The following SEC11A variants were observed in gnomAD, a reference collection of about 807,000 sequenced individuals.
SEC11A encodes the protein signal peptidase complex catalytic subunit SEC11A.
In SEC11A, 14 loss-of-function variants were observed where a neutral mutation model predicts 25.6. That is an observed-to-expected ratio of 0.55 (90% confidence interval 0.36 to 0.85). The LOEUF (loss-of-function observed/expected upper bound fraction) is 0.85, where lower values mean the gene tolerates loss of function less well. Ranked by LOEUF, SEC11A falls within the 40% of genes least tolerant of loss-of-function variation. The pLI, the probability that SEC11A is intolerant of heterozygous loss-of-function variation, is 0.01. For missense variants in SEC11A, 153 were observed against 222.9 expected, an observed-to-expected ratio of 0.69 and a Z score of 2.00; for synonymous variants, 83 against 76.4, an observed-to-expected ratio of 1.09 and a Z score of -0.45.
intron 1 of SEC11A, among the ~76,000 whole-genome samples, chr15:84,712,449 CTTT>C (rs150374364): frequency 1.0e-4 from 13 of 130,224 alleles, no homozygotes; most frequent in Admixed American, 1.6e-4. Flanking sequence ...TCTTTTTTTT[CTTT>C]TTTTTTTTTT....
chr15:84,677,302 T>A (rs979008685), intron 4 of SEC11A, among the ~76,000 whole-genome samples: 17 of 152,050 alleles, frequency 1.1e-4, no homozygotes, highest in African/African-American at 4.1e-4. Flanking sequence ...TAGTTAAGAT[T>A]CTGTGCTTCT....
chr15:84,710,807 T>G (rs1898237679), intron 1 of SEC11A, among the ~76,000 whole-genome samples: 1 of 152,104 alleles, frequency 6.6e-6, no homozygotes, highest in Non-Finnish European at 1.5e-5. Flanking sequence ...CACCTCAATG[T>G]GCATTGAAAA....
chr15:84,693,347 CAAA>C (rs373482336), intron 1 of SEC11A, among the ~76,000 whole-genome samples: 1 of 118,416 alleles, frequency 8.4e-6, no homozygotes, highest in Non-Finnish European at 1.8e-5. Context: ...GATCTTGGTT[CAAA>C]AAAAAAAAAG....
At chr15:84,691,006 A>G (rs191172899) in intron 2 of SEC11A, among the ~76,000 whole-genome samples, 6 of 152,252 alleles carry the variant, frequency 3.9e-5, no homozygotes, top group Admixed American at 6.5e-5. Flanking sequence ...ACTTTTTTGT[A>G]GAAAGGTCAT....
intron 1 of SEC11A, among the ~76,000 whole-genome samples, chr15:84,697,692 T>A (rs1897808620): frequency 1.3e-5 from 2 of 152,140 alleles, no homozygotes; most frequent in African/African-American, 4.8e-5. Context: ...TAGCCCCTAC[T>A]TTCTTTATCA....
Position 84,687,622 on chromosome 15 carries a change from T to C in SEC11A, c.311+3A>G, listed in dbSNP as rs1897467137. The C allele has an allele frequency of 2.5e-6, 4 of 1,569,430 alleles. No individual in the cohort carries two copies. The highest frequency in any genetic ancestry group is 3.4e-6 in the Non-Finnish European group (4 of 1,168,238). Reference sequence around the variant, plus strand: ...AAACAAAGATGCTATACTTTGCACATACTTTTCATGAATCTTCAAGACTCG... The same window carrying C: ...AAACAAAGATGCTATACTTTGCACACACTTTTCATGAATCTTCAAGACTCG... On this transcript the variant is annotated splice_donor_region_variant and intron_variant, in intron 3 of 5. Transcript: ENST00000268220.
At chr15:84,687,895 C>T in intron 2 of SEC11A, 121 bp from the exon 3 acceptor site, 1 of 776,004 alleles carries the variant, frequency 1.3e-6, no homozygotes, top group South Asian at 1.9e-5. Context: ...ACCCTAACAA[C>T]TATATCAACA....
chr15:84,694,229 C>CCAGCTACTCAAAAGG (rs1387780037), intron 1 of SEC11A, among the ~76,000 whole-genome samples: 1 of 151,916 alleles, frequency 6.6e-6, no homozygotes, highest in African/African-American at 2.4e-5. Flanking sequence ...GTGGGACATG[C>CCAGCTACTCAAAAGG]CTGTAATCCC....
At chr15:84,715,964 CGCA>C in intron 1 of SEC11A, 58 bp downstream of exon 1, 1 of 1,537,464 alleles carries the variant, frequency 6.5e-7, no homozygotes, top group Non-Finnish European at 8.9e-7. Flanking sequence ...CGCCGGGCCC[CGCA>C]GCAGCAGCCT....
intron 1 of SEC11A, among the ~76,000 whole-genome samples, chr15:84,712,344 A>G (rs1333761074): frequency 1.3e-5 from 2 of 152,196 alleles, no homozygotes; most frequent in Non-Finnish European, 2.9e-5. Flanking sequence ...GATGTGGAGC[A>G]ACAGGAACTC....
rs1898236152 is a variant in SEC11A at position 84,710,769 on chromosome 15, C to T, written c.51+5256G>A. ...ATAATTATTAGAACTAAAGATAACT[C>T]TAAATAGGTTTTTCTGCACACAAAA... On this transcript the variant is annotated intron_variant, in intron 1 of 5. Transcript: ENST00000268220. 2.0e-5 allele frequency among the ~76,000 whole-genome samples: 3 copies of T among 152,174 alleles called. No individual in the cohort carries two copies. In the South Asian group the frequency reaches 6.2e-4, roughly 32 times the overall value.
intron 4 of SEC11A, among the ~76,000 whole-genome samples, chr15:84,676,832 C>T (rs933000109): frequency 1.3e-5 from 2 of 151,746 alleles, no homozygotes; most frequent in African/African-American, 4.8e-5. Context: ...TGGCTCACAC[C>T]TGTAACCCCA....
intron 4 of SEC11A, chr15:84,672,782 C>T (rs1473099000): frequency 2.0e-5 from 4 of 201,234 alleles, no homozygotes; most frequent in Non-Finnish European, 2.0e-5. Flanking sequence ...AAGTGAGGAC[C>T]GTCTCTGCCC....
intron 3 of SEC11A, among the ~76,000 whole-genome samples, chr15:84,683,561 A>ATTT (rs34537315): frequency 6.8e-6 from 1 of 146,554 alleles, no homozygotes; most frequent in Non-Finnish European, 1.5e-5. Context: ...TATTAGACCT[A>ATTT]TTTTTTTTTT....
intron 1 of SEC11A, among the ~76,000 whole-genome samples, chr15:84,711,525 A>T (rs561098896): frequency 1.2e-4 from 19 of 152,090 alleles, no homozygotes; most frequent in Non-Finnish European, 2.5e-4. Context: ...AGAATAATAA[A>T]TTATATTAAA....
At chr15:84,707,743 G>C (rs1165230546) in intron 1 of SEC11A, among the ~76,000 whole-genome samples, 2 of 152,126 alleles carry the variant, frequency 1.3e-5, no homozygotes, top group African/African-American at 4.8e-5. Context: ...TCTGGCTGTG[G>C]AAAAGAATAA....
At chr15:84,681,913 C>CA (rs1897291689) in intron 3 of SEC11A, among the ~76,000 whole-genome samples, 2 of 151,978 alleles carry the variant, frequency 1.3e-5, no homozygotes, top group Non-Finnish European at 2.9e-5. Flanking sequence ...GCAAAAAATA[C>CA]AAAAAAATTA....
Position 84,698,985 on chromosome 15 carries a change from AACTATTG to A in SEC11A, c.52-7348_52-7342del, listed in dbSNP as rs534380049. Among the ~76,000 whole-genome samples, 204 of 152,338 alleles carry A rather than the reference AACTATTG, an allele frequency of 1.3e-3. 1 individual carries two copies. The highest frequency in any genetic ancestry group is 4.7e-3 in the African/African-American group (197 of 41,570). Reference sequence around the variant, plus strand: ...TACTACTCAGGAATACAAAGGAATTAACTATTGACACATGCAACATAGGTGAATTTCC... The same window carrying A: ...TACTACTCAGGAATACAAAGGAATTAACACATGCAACATAGGTGAATTTCC... On this transcript the variant is annotated intron_variant, in intron 1 of 5. Coordinates refer to ENST00000268220, the MANE Select transcript of SEC11A (RefSeq NM_014300.4).
At chr15:84,712,332 A>T (rs1236632380) in intron 1 of SEC11A, among the ~76,000 whole-genome samples, 1 of 152,114 alleles carries the variant, frequency 6.6e-6, no homozygotes, top group Non-Finnish European at 1.5e-5. Context: ...AATACTGGGG[A>T]GGATGTGGAG....
Sources: gnomAD v4.1 joint callset for allele counts (sites outside exome capture counted in the v4.1 genomes callset) on GRCh38, gnomAD v4.1.1 for gene constraint, MANE v1.5 for transcripts, NCBI Gene and HGNC (gene_info 2026-07-23, HGNC 2026-07-21) for gene names.